Variants in ANKFN1 observed in about 807,000 individuals in gnomAD.
The protein encoded by ANKFN1 is ankyrin repeat and fibronectin type III domain containing 1, also known as ankyrin repeat and fibronectin type-III domain-containing protein 1.
ANKFN1 carries 74 observed loss-of-function variants against 108.7 expected under a neutral mutation model. The observed-to-expected ratio is 0.68, with a 90% CI of 0.56 to 0.83. The LOEUF is 0.83. ANKFN1 is among the 40% of genes least tolerant of loss of function. ANKFN1 has a pLI of 0.00. For missense variants in ANKFN1, 1,505 were observed against 1,382.3 expected (o/e 1.09, Z -1.41); for synonymous variants, 547 against 516.2 (o/e 1.06, Z -0.81).
Position 56,515,462 on chromosome 17 carries a change from T to C in ANKFN1, c.*4193T>C, listed in dbSNP as rs2051891803. On this transcript the variant is annotated 3_prime_UTR_variant, in exon 21 of 21. Transcript: ENST00000682825. ...TTTAAAATAGCTATTTGGAAAGCAATGGTATCTCTTCATAGGTAATAGGGT... is the reference window on the plus strand; with the variant it reads ...TTTAAAATAGCTATTTGGAAAGCAACGGTATCTCTTCATAGGTAATAGGGT... Among the ~76,000 whole-genome samples the C allele has an allele frequency of 1.3e-5, 2 of 152,190 alleles. No homozygotes were observed. Among genetic ancestry groups the C allele is most frequent in the Non-Finnish European group, 1.5e-5 (1 of 68,022 alleles).
intron 14 of ANKFN1, among the ~76,000 whole-genome samples, chr17:56,458,968 T>C (rs1454954073): frequency 6.6e-6 from 1 of 152,228 alleles, no homozygotes; most frequent in Non-Finnish European, 1.5e-5. Flanking sequence ...CTTCCTGCAA[T>C]ATTTTGTTGC....
At chr17:56,104,389 A>G (rs138538437) in intron 4 of ANKFN1, among the ~76,000 whole-genome samples, 64 of 152,378 alleles carry the variant, frequency 4.2e-4, no homozygotes, top group African/African-American at 1.4e-3. Flanking sequence ...CATTTCATAG[A>G]TGAGAATGCT....
Position 56,510,710 on chromosome 17 carries a change from A to T in ANKFN1, c.2882A>T (p.Asn961Ile). 6.5e-7 allele frequency: 1 copy of T among 1,536,086 alleles called. No homozygotes were observed. The highest frequency in any genetic ancestry group is 1.2e-5 in the South Asian group (1 of 84,058). The change falls in exon 21 of 21, where the codon AAT (asparagine) becomes ATT (isoleucine). Residue 961 changes from asparagine (N) to isoleucine (I), a missense_variant. Transcript: ENST00000682825. ...PGQDPQGEGPNPDHSCAEFLH... is the reference protein window; with the variant it reads ...PGQDPQGEGPIPDHSCAEFLH... ...CAGGATCCCCAGGGCGAGGGCCCAA[A>T]TCCCGATCACTCATGTGCCGAGTTT...
intron 1 of ANKFN1, among the ~76,000 whole-genome samples, chr17:56,165,092 CTG>C (rs1403692907): frequency 6.6e-6 from 1 of 152,162 alleles, no homozygotes; most frequent in East Asian, 1.9e-4. Context: ...ACTTTAAGCT[CTG>C]TGTCAGTATC....
intron 8 of ANKFN1, among the ~76,000 whole-genome samples, chr17:56,439,184 G>A (rs1445070713): frequency 6.6e-6 from 1 of 152,192 alleles, no homozygotes; most frequent in African/African-American, 2.4e-5. Flanking sequence ...CAGAGCAAGG[G>A]AACTGTGTGA....
intron 6 of ANKFN1, among the ~76,000 whole-genome samples, chr17:56,366,734 C>T (rs776094118): frequency 7.9e-5 from 12 of 152,156 alleles, no homozygotes; most frequent in Non-Finnish European, 1.2e-4. Flanking sequence ...ATAGGCTATA[C>T]CATAGAGTCT....
chr17:56,189,175 T>TTTTTTTTTTTTTTTTTTG (rs1912602421), intron 1 of ANKFN1, among the ~76,000 whole-genome samples: 1 of 113,798 alleles, frequency 8.8e-6, no homozygotes, highest in African/African-American at 4.7e-5. Flanking sequence ...CCTGACTTTT[T>TTTTTTTTTTTTTTTTTTG]TTTTTTTTTT....
chr17:56,388,838 C>T (rs113046301), intron 8 of ANKFN1, among the ~76,000 whole-genome samples: 1 of 152,130 alleles, frequency 6.6e-6, no homozygotes, highest in African/African-American at 2.4e-5. Flanking sequence ...TAGGGAAATG[C>T]AAATTAAAAC....
intron 4 of ANKFN1, among the ~76,000 whole-genome samples, chr17:56,124,352 G>A (rs1906800211): frequency 6.6e-6 from 1 of 152,154 alleles, no homozygotes; most frequent in African/African-American, 2.4e-5. Context: ...CATGTGTGAT[G>A]GCCACAGAAT....
chr17:56,301,073 C>T (rs2044657224), intron 3 of ANKFN1, among the ~76,000 whole-genome samples: 1 of 152,192 alleles, frequency 6.6e-6, no homozygotes, highest in East Asian at 1.9e-4. Context: ...TCTCACAAAG[C>T]TTGGTGAAGA....
Position 56,440,354 on chromosome 17 carries a change from C to A in ANKFN1, c.938C>A (p.Ser313Tyr). 4 of 1,612,628 alleles carry A rather than the reference C, an allele frequency of 2.5e-6. No individual in the cohort carries two copies. Among genetic ancestry groups the A allele is most frequent in the Non-Finnish European group, 3.4e-6 (4 of 1,179,068 alleles). The part of the protein sequence containing the change: ...KVEWSMSEDF[S>Y]PLAGEIIMDN... ...GAATGGAGTATGTCCGAAGACTTTT[C>A]TCCTTTGGCTGGAGAAATCATCATG... Residue 313 changes from serine (S) to tyrosine (Y), a missense_variant, in exon 9 of 21, where the codon TCT (serine) becomes TAT (tyrosine). Physicochemically the swap from Ser to Tyr is moderately radical, Grantham distance 144 (BLOSUM62 -2). Transcript: ENST00000682825.
chr17:56,510,759 G>C lies in ANKFN1; in HGVS notation c.2931G>C (p.Gly977=). ...TTCTCCATAGCCTGACCCTCACGGG[G>C]TTCACACCCAAGAACCACGCCAAGA... The part of the protein sequence containing the change: ...AEFLHSLTLT[G]FTPKNHAKTV... The change falls in exon 21 of 21, where the codon GGG becomes GGC. Residue 977 remains glycine, a synonymous_variant. Transcript: ENST00000682825. 1 of 1,536,120 alleles carries C rather than the reference G, an allele frequency of 6.5e-7. No individual in the cohort carries two copies. Among genetic ancestry groups the C allele is most frequent in the Non-Finnish European group, 8.7e-7 (1 of 1,146,910 alleles).
At chr17:56,455,148 C>T (rs776267883) in intron 11 of ANKFN1, among the ~76,000 whole-genome samples, 33 of 152,164 alleles carry the variant, frequency 2.2e-4, no homozygotes, top group Non-Finnish European at 4.0e-4. Context: ...AGTCTTAAAT[C>T]TTTCTATCCA....
intron 8 of ANKFN1, among the ~76,000 whole-genome samples, chr17:56,424,890 G>C (rs1376961084): frequency 6.6e-6 from 1 of 152,120 alleles, no homozygotes; most frequent in Non-Finnish European, 1.5e-5. Context: ...GGGGATTTCA[G>C]CTCACCTCAA....
chr17:56,303,690 T>A (rs1412941184), intron 3 of ANKFN1, among the ~76,000 whole-genome samples: 1 of 151,968 alleles, frequency 6.6e-6, no homozygotes, highest in Non-Finnish European at 1.5e-5. Context: ...TTTTTTTAAT[T>A]ATTATTTTTT....
chr17:56,319,614 A>G (rs540150930), intron 3 of ANKFN1, among the ~76,000 whole-genome samples: 10 of 152,308 alleles, frequency 6.6e-5, no homozygotes, highest in South Asian at 4.1e-4. Flanking sequence ...AACCTATTAC[A>G]CACTTTATTC....
intron 2 of ANKFN1, among the ~76,000 whole-genome samples, chr17:56,223,675 T>C (rs751922737): frequency 1.2e-4 from 18 of 152,282 alleles, no homozygotes; most frequent in African/African-American, 2.2e-4. Context: ...CTTTTTAAAG[T>C]TGAGCTCATT....
intron 3 of ANKFN1, among the ~76,000 whole-genome samples, chr17:56,231,318 T>G (rs1916717032): frequency 1.3e-5 from 2 of 152,162 alleles, no homozygotes; most frequent in Non-Finnish European, 2.9e-5. Context: ...ATCAGAACTT[T>G]TTGCCCTCAT....
At chr17:56,056,379 A>G (rs1904877918) in intron 4 of ANKFN1, among the ~76,000 whole-genome samples, 1 of 149,582 alleles carries the variant, frequency 6.7e-6, no homozygotes, top group South Asian at 2.1e-4. Context: ...TTCTAAGCAA[A>G]AAAAAAAAAA....
Sources: gnomAD v4.1 joint callset for allele counts (sites outside exome capture counted in the v4.1 genomes callset) on GRCh38, gnomAD v4.1.1 for gene constraint, MANE v1.5 for transcripts, NCBI Gene and HGNC (gene_info 2026-07-23, HGNC 2026-07-21) for gene names.